The following LIMS1 variants were observed in gnomAD, a reference collection of about 807,000 sequenced individuals.
LIMS1 encodes LIM and senescent cell antigen-like-containing domain protein 1.
LIMS1 carries 18 observed loss-of-function variants against 44.1 expected under a neutral mutation model. The observed-to-expected ratio is 0.41, with a 90% CI of 0.28 to 0.61. The LOEUF (loss-of-function observed/expected upper bound fraction) is 0.61, where lower values mean the gene tolerates loss of function less well. Among genes scored for constraint, LIMS1 ranks in the 20% least tolerant of loss-of-function variants. The pLI, the probability that LIMS1 is intolerant of heterozygous loss-of-function variation, is 0.32. For missense variants in LIMS1, 201 were observed against 422.0 expected (o/e 0.48, Z 4.59); for synonymous variants, 93 against 149.1 (o/e 0.62, Z 2.74).
In LIMS1 at chr2:108,598,821, T is replaced by G. The variant is rs1425497574; in HGVS notation, c.33-60784T>G. Among the ~76,000 whole-genome samples, 5 of 152,194 alleles carry G rather than the reference T, an allele frequency of 3.3e-5. No homozygotes were observed. In the East Asian group the frequency reaches 9.6e-4, roughly 29 times the overall value. On this transcript the variant is annotated intron_variant, in intron 1 of 9. Transcript: ENST00000544547. ...GGTGGCCACTATTTCATTTAAGGAGTTAGCATCTTATAAAGAAAAATCTGT... is the reference window on the plus strand; with the variant it reads ...GGTGGCCACTATTTCATTTAAGGAGGTAGCATCTTATAAAGAAAAATCTGT...
At chr2:108,607,371 C>A in intron 1 of LIMS1, 1 of 981,000 alleles carries the variant, frequency 1.0e-6, no homozygotes, top group Non-Finnish European at 1.6e-6. Flanking sequence ...CATGTGTGCA[C>A]ATATAGAAGT....
At chr2:108,553,390 C>A (rs1314740115) in intron 1 of LIMS1, among the ~76,000 whole-genome samples, 1 of 152,212 alleles carries the variant, frequency 6.6e-6, no homozygotes, top group African/African-American at 2.4e-5. Context: ...CAGTTGAGGA[C>A]AGTGCTTTAT....
intron 1 of LIMS1, among the ~76,000 whole-genome samples, chr2:108,647,232 C>G (rs1301209079): frequency 6.6e-6 from 1 of 152,166 alleles, no homozygotes; most frequent in Non-Finnish European, 1.5e-5. Flanking sequence ...GGATAAATCG[C>G]TGGACATGTA....
chr2:108,548,705 G>A (rs1362863085), intron 1 of LIMS1, among the ~76,000 whole-genome samples: 2 of 152,166 alleles, frequency 1.3e-5, no homozygotes, highest in Non-Finnish European at 2.9e-5. Flanking sequence ...TTTTGGGACC[G>A]TGAGAACAGA....
At chr2:108,641,406 T>C (rs1689657284) in intron 1 of LIMS1, among the ~76,000 whole-genome samples, 1 of 152,206 alleles carries the variant, frequency 6.6e-6, no homozygotes, top group Non-Finnish European at 1.5e-5. Flanking sequence ...TTCTCACAAT[T>C]ACAACCTCAT....
chr2:108,580,725 G>A (rs1244086293), intron 1 of LIMS1, among the ~76,000 whole-genome samples: 1 of 152,222 alleles, frequency 6.6e-6, no homozygotes, highest in Non-Finnish European at 1.5e-5. Flanking sequence ...GGATGATTAA[G>A]TTGTTGAAGA....
intron 1 of LIMS1, chr2:108,657,794 T>C (rs1300479873): frequency 3.3e-5 from 5 of 152,392 alleles, no homozygotes; most frequent in Non-Finnish European, 7.3e-5. Flanking sequence ...AGTTGAGCTT[T>C]GACGGGTCTG....
At chr2:108,568,376 G>A (rs2104625827) in intron 1 of LIMS1, among the ~76,000 whole-genome samples, 1 of 152,008 alleles carries the variant, frequency 6.6e-6, no homozygotes, top group Admixed American at 6.6e-5. Flanking sequence ...GATTTCCTTC[G>A]GGTTCATAGT....
intron 1 of LIMS1, among the ~76,000 whole-genome samples, chr2:108,586,128 C>T (rs1288176621): frequency 3.3e-5 from 5 of 151,992 alleles, no homozygotes; most frequent in African/African-American, 1.2e-4. Flanking sequence ...GGAGGCGGAG[C>T]TTGCAGTGAG....
At chr2:108,652,288 G>A (rs1349644677) in intron 1 of LIMS1, among the ~76,000 whole-genome samples, 2 of 152,292 alleles carry the variant, frequency 1.3e-5, no homozygotes, top group East Asian at 1.9e-4. Context: ...TGGAAGGAAA[G>A]TACTTAAATG....
rs1173815270 is a variant in LIMS1 at position 108,594,943 on chromosome 2, G to T, written c.32+60349G>T. Reference sequence around the variant, plus strand: ...AAAAAAAATCGAATGTAGAGGCCCTGCTTTGAAGTCATTGAGAGGAATTAT... The same window carrying T: ...AAAAAAAATCGAATGTAGAGGCCCTTCTTTGAAGTCATTGAGAGGAATTAT... On this transcript the variant is annotated intron_variant, in intron 1 of 9. Coordinates refer to ENST00000544547, the Ensembl canonical transcript of LIMS1. Among the ~76,000 whole-genome samples the T allele has an allele frequency of 4.4e-4, 67 of 152,138 alleles. 4 individuals are homozygous for T. Among genetic ancestry groups the T allele is most frequent in the Admixed American group, 4.4e-3 (67 of 15,278 alleles).
intron 1 of LIMS1, among the ~76,000 whole-genome samples, chr2:108,566,503 A>G (rs1353489327): frequency 2.0e-5 from 3 of 152,210 alleles, no homozygotes; most frequent in African/African-American, 7.2e-5. Context: ...GAGCTGTTAG[A>G]GTTTCAAATT....
At chr2:108,587,290 T>TTTTG (rs1249940923) in intron 1 of LIMS1, among the ~76,000 whole-genome samples, 1 of 106,084 alleles carries the variant, frequency 9.4e-6, no homozygotes, top group South Asian at 3.3e-4. Flanking sequence ...TTCTTGGGGT[T>TTTTG]TGTGTGTGTG....
chr2:108,579,558 A>G (rs1054706984), intron 1 of LIMS1, among the ~76,000 whole-genome samples: 1 of 152,276 alleles, frequency 6.6e-6, no homozygotes, highest in Non-Finnish European at 1.5e-5. Context: ...TTAAAATACA[A>G]TGAATTTAAT....
chr2:108,641,301 G>C (rs1378975950), intron 1 of LIMS1, among the ~76,000 whole-genome samples: 1 of 152,200 alleles, frequency 6.6e-6, no homozygotes, highest in African/African-American at 2.4e-5. Flanking sequence ...TGGGATGCTA[G>C]AAACCTATCT....
intron 1 of LIMS1, among the ~76,000 whole-genome samples, chr2:108,654,016 T>C (rs1467526235): frequency 8.3e-5 from 10 of 120,502 alleles, no homozygotes; most frequent in Admixed American, 6.8e-4. Flanking sequence ...CAAGTGAGCC[T>C]CAAAGGGATG....
chr2:108,683,659 G>A (rs1306683240), intron 9 of LIMS1, among the ~76,000 whole-genome samples: 1 of 151,598 alleles, frequency 6.6e-6, no homozygotes, highest in Non-Finnish European at 1.5e-5. Flanking sequence ...ACAGATGGAT[G>A]TATAGAACCA....
At chr2:108,560,212 C>A (rs927558453) in intron 1 of LIMS1, among the ~76,000 whole-genome samples, 9 of 152,148 alleles carry the variant, frequency 5.9e-5, no homozygotes, top group African/African-American at 1.9e-4. Flanking sequence ...CCCTCACTGC[C>A]CCTCGCCAGC....
chr2:108,536,807 T>C (rs1465019321), intron 1 of LIMS1, among the ~76,000 whole-genome samples: 1 of 152,022 alleles, frequency 6.6e-6, no homozygotes, highest in Admixed American at 6.6e-5. Flanking sequence ...AGTCTGGGGG[T>C]CCCAAACTCC....
Sources: gnomAD v4.1 joint callset for allele counts (sites outside exome capture counted in the v4.1 genomes callset) on GRCh38, gnomAD v4.1.1 for gene constraint, MANE v1.5 for transcripts, NCBI Gene and HGNC (gene_info 2026-07-23, HGNC 2026-07-21) for gene names.